Variants in SCAF4 observed in about 807,000 individuals in gnomAD.
The protein encoded by SCAF4 is SR-related and CTD-associated factor 4.
A neutral mutation model predicts 129.8 loss-of-function variants in SCAF4; 25 were observed. That is an observed-to-expected ratio of 0.19 (90% confidence interval 0.14 to 0.27). The LOEUF is 0.27. SCAF4 is among the 10% of genes least tolerant of loss of function. The pLI is 1.00. For missense variants in SCAF4, 1,246 were observed against 1,457.1 expected (o/e 0.86, Z 2.36); for synonymous variants, 551 against 497.7 (o/e 1.11, Z -1.43).
intron 1 of SCAF4, among the ~76,000 whole-genome samples, chr21:31,711,732 T>C (rs920350039): frequency 3.3e-5 from 5 of 152,044 alleles, no homozygotes; most frequent in Non-Finnish European, 7.4e-5. Context: ...CTATGTTAAG[T>C]GGGGAAAAAT....
chr21:31,701,205 C>T (rs747376727), intron 6 of SCAF4, 34 bp from the exon 7 acceptor site: 2 of 1,501,334 alleles, frequency 1.3e-6, no homozygotes, highest in African/African-American at 1.4e-5. Context: ...AATCACAGAA[C>T]AAAGTATAAT....
intron 11 of SCAF4, 104 bp from the exon 12 acceptor site, chr21:31,693,588 T>C (rs974389550): frequency 4.4e-6 from 3 of 682,526 alleles, no homozygotes; most frequent in Admixed American, 7.5e-5. Context: ...AATTTAATGT[T>C]TGGGTATGTA....
At chr21:31,688,114 C>CAAAAAAAAAAAAAAAAAAAA (rs61592268) in intron 16 of SCAF4, among the ~76,000 whole-genome samples, 193 bp downstream of exon 16, 1 of 10,908 alleles carries the variant, frequency 9.2e-5, no homozygotes, top group African/African-American at 3.1e-4. Flanking sequence ...GACTCTGTCT[C>CAAAAAAAAAAAAAAAAAAAA]AAAAAAAAAA....
intron 1 of SCAF4, among the ~76,000 whole-genome samples, chr21:31,718,982 G>C (rs1034663407): frequency 6.6e-6 from 1 of 152,116 alleles, no homozygotes. Context: ...TCTATGTGCA[G>C]TAAGAACATT....
At chr21:31,696,450 C>T in intron 8 of SCAF4, 119 bp downstream of exon 8, 2 of 1,096,000 alleles carry the variant, frequency 1.8e-6, no homozygotes, top group East Asian at 2.6e-5. Context: ...AAAACTAATA[C>T]CACAAATTTT....
In SCAF4 at chr21:31,685,563, T is replaced by C. The variant is rs184524498; in HGVS notation, c.2209+5A>G. 14 of 1,614,114 alleles carry C rather than the reference T, an allele frequency of 8.7e-6. No individual in the cohort carries two copies. In the African/African-American group the frequency reaches 1.2e-4, roughly 14 times the overall value. ...TAAAGTATGTTCACAGACAATTTAG[T>C]GTACCTGGTGGTAAATGCATTGGGT... On this transcript the variant is annotated splice_donor_5th_base_variant and intron_variant, in intron 17 of 19. Coordinates refer to ENST00000286835, the MANE Select transcript of SCAF4 (RefSeq NM_020706.2).
At chr21:31,721,103 C>T (rs899304585) in intron 1 of SCAF4, among the ~76,000 whole-genome samples, 1 of 152,124 alleles carries the variant, frequency 6.6e-6, no homozygotes, top group African/African-American at 2.4e-5. Flanking sequence ...ATTTTCATCA[C>T]CCCCAAAACA....
At chr21:31,700,972 T>G in intron 7 of SCAF4, 23 bp downstream of exon 7, 7 of 1,610,050 alleles carry the variant, frequency 4.3e-6, no homozygotes, top group Non-Finnish European at 5.9e-6. Flanking sequence ...AATGGTGGGG[T>G]GGGTTATGTG....
At position 31,724,047 on chromosome 21, in the gene SCAF4, AC is replaced by A. The variant is rs764347089; in HGVS notation, c.30+7615del. On this transcript the variant is annotated intron_variant, in intron 1 of 19. Coordinates refer to ENST00000286835, the MANE Select transcript of SCAF4 (RefSeq NM_020706.2). Reference sequence around the variant, plus strand: ...TTACTGGAATATAGGGTTTCTGTATACTTACTTATCTATGTCTTAAAAAGCA... The same window carrying A: ...TTACTGGAATATAGGGTTTCTGTATATTACTTATCTATGTCTTAAAAAGCA... Among the ~76,000 whole-genome samples, 19 of 152,292 alleles carry A rather than the reference AC, an allele frequency of 1.2e-4. No homozygotes were observed. In the East Asian group the frequency reaches 3.3e-3, roughly 26 times the overall value.
rs780009354 is a variant in SCAF4, at chr21:31,691,948, A to C, written c.1615-18T>G. 1 of 1,302,658 alleles carries C rather than the reference A, an allele frequency of 7.7e-7. No homozygotes were observed. The highest frequency in any genetic ancestry group is 1.1e-6 in the Non-Finnish European group (1 of 921,404). The allele number at this position is 1,302,658 out of a possible 1,614,324, so 80.7% of individuals were successfully genotyped here. A position where few individuals can be genotyped will look rare whatever the true frequency, so the allele number is the denominator to read the frequency against. ...GGAATCATCTGCTCCAAAACATTTT[A>C]ATATTATAAAAGATAACAAAATTGA... On this transcript the variant is annotated intron_variant, in intron 13 of 19. Coordinates refer to ENST00000286835, the MANE Select transcript of SCAF4 (RefSeq NM_020706.2).
At chr21:31,716,045 T>C (rs377101825) in intron 1 of SCAF4, among the ~76,000 whole-genome samples, 2 of 152,122 alleles carry the variant, frequency 1.3e-5, no homozygotes, top group Non-Finnish European at 2.9e-5. Flanking sequence ...ATTTCTAAAG[T>C]ATGCTTTTTC....
chr21:31,724,731 C>CA (rs374207672), intron 1 of SCAF4, among the ~76,000 whole-genome samples: 2,217 of 150,964 alleles, frequency 0.015, 61 homozygotes, highest in African/African-American at 0.05. Flanking sequence ...AGAAAACAAA[C>CA]AAAAAAAAAC....
chr21:31,695,075 G>A (rs1568840306), intron 9 of SCAF4, 95 bp from the exon 10 acceptor site: 3 of 1,007,310 alleles, frequency 3.0e-6, no homozygotes, highest in African/African-American at 1.6e-5. Context: ...AATAAAGTTT[G>A]ATCAAGGAAA....
In SCAF4 at chr21:31,685,553, G is replaced by C. The variant is rs756923189; in HGVS notation, c.2209+15C>G. On this transcript the variant is annotated intron_variant, in intron 17 of 19. Coordinates refer to ENST00000286835, the MANE Select transcript of SCAF4 (RefSeq NM_020706.2). ...TCGCAGGCTCTAAAGTATGTTCACAGACAATTTAGTGTACCTGGTGGTAAA... is the reference window on the plus strand; with the variant it reads ...TCGCAGGCTCTAAAGTATGTTCACACACAATTTAGTGTACCTGGTGGTAAA... The C allele has an allele frequency of 6.2e-7, 1 of 1,614,068 alleles. No homozygotes were observed. Among genetic ancestry groups the C allele is most frequent in the Admixed American group, 1.7e-5 (1 of 60,030 alleles).
chr21:31,673,420 G>A (rs754491160), intron 19 of SCAF4, among the ~76,000 whole-genome samples: 2 of 133,666 alleles, frequency 1.5e-5, no homozygotes, highest in Non-Finnish European at 3.2e-5. Context: ...GTTATGATCA[G>A]TTAGCAATGG....
At chr21:31,700,810 G>A (rs1025593984) in intron 7 of SCAF4, 185 bp downstream of exon 7, 1 of 421,850 alleles carries the variant, frequency 2.4e-6, no homozygotes, top group Non-Finnish European at 4.0e-6. Flanking sequence ...GGAAATTTTT[G>A]CACTGAGCAC....
intron 1 of SCAF4, among the ~76,000 whole-genome samples, chr21:31,731,440 C>A (rs1218515807): frequency 6.6e-6 from 1 of 150,834 alleles, no homozygotes; most frequent in Non-Finnish European, 1.5e-5. Context: ...CCCGAGGTCG[C>A]GGTCCGGGGG....
At chr21:31,726,718 AG>A (rs2051214455) in intron 1 of SCAF4, among the ~76,000 whole-genome samples, 1 of 152,232 alleles carries the variant, frequency 6.6e-6, no homozygotes, top group African/African-American at 2.4e-5. Context: ...GCTGTCCTAC[AG>A]AAATTCCTAC....
chr21:31,687,867 G>A (rs1228091203), intron 16 of SCAF4, among the ~76,000 whole-genome samples: 1 of 151,960 alleles, frequency 6.6e-6, no homozygotes, highest in Non-Finnish European at 1.5e-5. Flanking sequence ...CAGCACTTTG[G>A]GAGGCCAAGG....
Sources: allele counts gnomAD v4.1 joint callset (sites outside exome capture counted in the v4.1 genomes callset), GRCh38; gene constraint gnomAD v4.1.1; transcripts MANE v1.5; gene names NCBI Gene and HGNC (gene_info 2026-07-23, HGNC 2026-07-21).